The following AHCYL2 variants were observed in gnomAD, a reference collection of about 807,000 sequenced individuals.
AHCYL2 encodes S-adenosylhomocysteine hydrolase-like protein 2.
In AHCYL2, 28 loss-of-function variants were observed where a neutral mutation model predicts 81.4. The observed-to-expected ratio is 0.34, with a 90% CI of 0.25 to 0.47. The LOEUF is 0.47. AHCYL2 is among the 20% of genes least tolerant of loss of function. AHCYL2 has a pLI of 1.00. For synonymous variants in AHCYL2, 272 were observed against 290.2 expected (o/e 0.94, Z 0.64); for missense variants, 551 against 785.1 (o/e 0.70, Z 3.56).
intron 1 of AHCYL2, among the ~76,000 whole-genome samples, chr7:129,324,213 A>G (rs1325694401): frequency 6.6e-6 from 1 of 151,936 alleles, no homozygotes; most frequent in Non-Finnish European, 1.5e-5. Context: ...TTAGCATAGT[A>G]TATCTTTTTC....
chr7:129,307,389 C>A (rs983109008), intron 1 of AHCYL2, among the ~76,000 whole-genome samples: 3 of 152,078 alleles, frequency 2.0e-5, no homozygotes, highest in Admixed American at 1.3e-4. Context: ...TCCACCACCA[C>A]CACCACAGGC....
In AHCYL2 at chr7:129,427,566, T is replaced by C. The variant is rs920004578; in HGVS notation, c.*521T>C. 1 of 153,246 alleles carries C rather than the reference T, an allele frequency of 6.5e-6. No homozygotes were observed. The highest frequency in any genetic ancestry group is 2.4e-5 in the African/African-American group (1 of 41,450). The allele number at this position is 153,246 out of a possible 1,614,324, so 9.5% of individuals were successfully genotyped here. On this transcript the variant is annotated 3_prime_UTR_variant, in exon 17 of 17. Coordinates refer to ENST00000325006, the MANE Select transcript of AHCYL2 (RefSeq NM_015328.4). The surrounding 1 kb of genome is among the most constrained non-coding windows in gnomAD (Gnocchi z 5.5). ...ACTGCCTTCTTTATATAAAGGCTAA[T>C]AAGGAAGGAGTGTTATTTATGGCTT...
intron 1 of AHCYL2, among the ~76,000 whole-genome samples, chr7:129,274,339 C>T (rs1279061499): frequency 6.6e-6 from 1 of 152,182 alleles, no homozygotes; most frequent in Non-Finnish European, 1.5e-5. Flanking sequence ...GGAGCCTCAA[C>T]CACATCTGGA....
intron 1 of AHCYL2, among the ~76,000 whole-genome samples, chr7:129,246,296 G>A (rs1375832529): frequency 1.3e-5 from 2 of 152,174 alleles, no homozygotes; most frequent in Non-Finnish European, 2.9e-5. Flanking sequence ...GACCTAAGGT[G>A]ATCCACCCGC....
chr7:129,316,906 G>A (rs1218123624), intron 1 of AHCYL2, among the ~76,000 whole-genome samples: 1 of 152,170 alleles, frequency 6.6e-6, no homozygotes, highest in Non-Finnish European at 1.5e-5. Flanking sequence ...TCCTTGAGTC[G>A]GGAGTTTCCT....
intron 12 of AHCYL2, among the ~76,000 whole-genome samples, chr7:129,415,674 T>C (rs1316065268): frequency 6.7e-6 from 1 of 149,804 alleles, no homozygotes; most frequent in Non-Finnish European, 1.5e-5. Context: ...TTTGAGACCA[T>C]GTGTGGTGGC....
chr7:129,422,434 C>T lies in AHCYL2; in HGVS notation c.1462-406C>T, dbSNP rs370927400. Among the ~76,000 whole-genome samples, 5 of 152,298 alleles carry T rather than the reference C, an allele frequency of 3.3e-5. No individual in the cohort carries two copies. The South Asian group carries it at 6.2e-4, about 19-fold the overall frequency. On this transcript the variant is annotated intron_variant, in intron 12 of 16. Coordinates refer to ENST00000325006, the MANE Select transcript of AHCYL2 (RefSeq NM_015328.4). The stretch of plus-strand genomic sequence containing the variant: ...CTTCAGCACTTATATATTCAGTTTG[C>T]ACTGTATTAATTTGCACTTGTTTGC...
At chr7:129,246,560 T>G (rs916233814) in intron 1 of AHCYL2, among the ~76,000 whole-genome samples, 3 of 152,210 alleles carry the variant, frequency 2.0e-5, no homozygotes, top group Admixed American at 6.5e-5. Context: ...TGCCATGCTG[T>G]GAACTCGGCT....
chr7:129,402,289 C>T (rs1796075057), intron 6 of AHCYL2, among the ~76,000 whole-genome samples: 1 of 152,126 alleles, frequency 6.6e-6, no homozygotes, highest in East Asian at 1.9e-4. Flanking sequence ...TCCTGGTTCT[C>T]AAGCAAGGTT....
chr7:129,298,518 A>G (rs982550486), intron 1 of AHCYL2, among the ~76,000 whole-genome samples: 5 of 152,210 alleles, frequency 3.3e-5, no homozygotes, highest in Non-Finnish European at 5.9e-5. Flanking sequence ...TTCTTGAAAC[A>G]TATAACAGCT....
At chr7:129,305,227 C>T (rs1431063161) in intron 1 of AHCYL2, among the ~76,000 whole-genome samples, 3 of 152,016 alleles carry the variant, frequency 2.0e-5, no homozygotes, top group Admixed American at 6.6e-5. Context: ...TTTGGGAGGC[C>T]GAGGCGGGCA....
intron 1 of AHCYL2, among the ~76,000 whole-genome samples, chr7:129,378,528 C>G (rs1794800426): frequency 6.6e-6 from 1 of 152,130 alleles, no homozygotes; most frequent in African/African-American, 2.4e-5. Context: ...GTACTTTTAT[C>G]TCTGTTGTAT....
chr7:129,340,440 T>C (rs1271416865), intron 1 of AHCYL2, among the ~76,000 whole-genome samples: 5 of 151,110 alleles, frequency 3.3e-5, no homozygotes, highest in African/African-American at 4.9e-5. Context: ...TGGTGGCAGT[T>C]GCCTATAGTC....
intron 1 of AHCYL2, among the ~76,000 whole-genome samples, chr7:129,338,360 T>G (rs1293114638): frequency 6.6e-6 from 1 of 151,726 alleles, no homozygotes; most frequent in Admixed American, 6.6e-5. Flanking sequence ...TCTTGCTGTT[T>G]CCCAGGCATG....
intron 1 of AHCYL2, among the ~76,000 whole-genome samples, chr7:129,271,359 CAAAAAAAA>C (rs3042852): frequency 8.1e-5 from 7 of 86,786 alleles, no homozygotes; most frequent in East Asian, 3.1e-4. Context: ...AGACTGTCTC[CAAAAAAAA>C]AAAAAAAAAA....
Position 129,315,820 on chromosome 7 carries a change from G to C in AHCYL2, c.364-63818G>C, listed in dbSNP as rs542269184. 5.9e-5 allele frequency among the ~76,000 whole-genome samples: 9 copies of C among 152,324 alleles called. No homozygotes were observed. The South Asian group carries it at 1.9e-3, about 32-fold the overall frequency. ...GGAAAAAATCTTAGGTGGGAATCCAGTAGAGAGGGGAGAAAATGGTCAGTT... is the reference window on the plus strand; with the variant it reads ...GGAAAAAATCTTAGGTGGGAATCCACTAGAGAGGGGAGAAAATGGTCAGTT... On this transcript the variant is annotated intron_variant, in intron 1 of 16. Transcript: ENST00000325006.
chr7:129,305,588 G>T (rs1364496622), intron 1 of AHCYL2, among the ~76,000 whole-genome samples: 1 of 151,930 alleles, frequency 6.6e-6, no homozygotes, highest in African/African-American at 2.4e-5. Flanking sequence ...TATTATTTTT[G>T]ATCAGTTCAT....
intron 1 of AHCYL2, among the ~76,000 whole-genome samples, chr7:129,263,520 A>C (rs1482122438): frequency 1.3e-5 from 2 of 152,238 alleles, no homozygotes; most frequent in Non-Finnish European, 2.9e-5. Flanking sequence ...ACCTGGGAGC[A>C]TCTGGTGACT....
intron 13 of AHCYL2, 185 bp from the exon 14 acceptor site, chr7:129,424,689 C>A: frequency 4.9e-6 from 3 of 616,176 alleles, no homozygotes; most frequent in Non-Finnish European, 2.9e-6. Flanking sequence ...ATCAGATTTT[C>A]CAGAATTTTA....
Sources: allele counts gnomAD v4.1 joint callset (sites outside exome capture counted in the v4.1 genomes callset), GRCh38; gene constraint gnomAD v4.1.1; non-coding constraint Gnocchi (gnomAD v3.1); transcripts MANE v1.5; gene names NCBI Gene and HGNC (gene_info 2026-07-23, HGNC 2026-07-21).